TMEM178B: variants seen among roughly 807,000 people sequenced by gnomAD.
TMEM178B encodes transmembrane protein 178B.
In TMEM178B, 5 loss-of-function variants were observed where a neutral mutation model predicts 31.0. That is an observed-to-expected ratio of 0.16 (90% confidence interval 0.08 to 0.34). TMEM178B has a LOEUF of 0.34. Among genes scored for constraint, TMEM178B ranks in the 10% least tolerant of loss-of-function variants. The pLI is 1.00. For synonymous variants in TMEM178B, 164 were observed against 164.0 expected (o/e 1.00, Z 0.00); for missense variants, 275 against 400.3 (o/e 0.69, Z 2.67).
At chr7:141,156,903 G>A (rs1439116102) in intron 1 of TMEM178B, among the ~76,000 whole-genome samples, 1 of 152,148 alleles carries the variant, frequency 6.6e-6, no homozygotes, top group African/African-American at 2.4e-5. Context: ...ATAAATGAGG[G>A]ATTTGGGGTA....
intron 1 of TMEM178B, among the ~76,000 whole-genome samples, chr7:141,145,808 G>C (rs1047889530): frequency 1.3e-5 from 2 of 152,192 alleles, no homozygotes; most frequent in Admixed American, 6.5e-5. Flanking sequence ...GAGCTGCTAC[G>C]TGCTGAGCTG....
the TMEM178B span, among the ~76,000 whole-genome samples, chr7:141,500,384 C>G: frequency 1.3e-5 from 2 of 152,146 alleles, no homozygotes; most frequent in African/African-American, 4.8e-5. Context: ...CTCAGGAAAA[C>G]TCGGAGGAAG....
intron 2 of TMEM178B, among the ~76,000 whole-genome samples, chr7:141,429,308 T>TACACACACAC (rs3039921): frequency 0.052 from 7,729 of 149,646 alleles, 308 homozygotes; most frequent in East Asian, 0.17. Flanking sequence ...GAAAATGTAA[T>TACACACACAC]ACACACACAC....
chr7:141,507,166 A>C, the TMEM178B span, among the ~76,000 whole-genome samples: 2 of 152,082 alleles, frequency 1.3e-5, no homozygotes, highest in South Asian at 2.1e-4. Context: ...TGCATCTACT[A>C]TTCTGGGGTC....
At chr7:141,161,296 G>A (rs1249830912) in intron 1 of TMEM178B, among the ~76,000 whole-genome samples, 1 of 152,160 alleles carries the variant, frequency 6.6e-6, no homozygotes, top group Non-Finnish European at 1.5e-5. Flanking sequence ...ACGAGGTGGT[G>A]AGTGGTCTGA....
intron 2 of TMEM178B, among the ~76,000 whole-genome samples, chr7:141,260,804 G>C (rs1211480393): frequency 6.6e-6 from 1 of 152,142 alleles, no homozygotes; most frequent in Non-Finnish European, 1.5e-5. Flanking sequence ...TCTTTTTAAA[G>C]ATAAAACCAT....
intron 2 of TMEM178B, among the ~76,000 whole-genome samples, chr7:141,276,844 C>T (rs541271580): frequency 6.6e-6 from 1 of 152,318 alleles, no homozygotes; most frequent in Admixed American, 6.5e-5. Context: ...ACCTGTACAG[C>T]ATGTGGCTGT....
At chr7:141,383,903 C>G (rs549018871) in intron 2 of TMEM178B, among the ~76,000 whole-genome samples, 36 of 152,166 alleles carry the variant, frequency 2.4e-4, no homozygotes, top group African/African-American at 6.3e-4. Flanking sequence ...TTTTAATGAT[C>G]GCCATTCTAA....
chr7:141,090,131 G>T (rs972153904), intron 1 of TMEM178B, among the ~76,000 whole-genome samples: 2 of 152,022 alleles, frequency 1.3e-5, no homozygotes, highest in African/African-American at 4.8e-5. Flanking sequence ...TGCCATTCTT[G>T]TTCCTATCAT....
At chr7:141,441,569 G>A (rs1035115251) in intron 3 of TMEM178B, among the ~76,000 whole-genome samples, 2 of 152,158 alleles carry the variant, frequency 1.3e-5, no homozygotes, top group Admixed American at 6.5e-5. Context: ...TGAGAAGGGT[G>A]GGGGGACAAC....
At chr7:141,323,743 G>C (rs1158715799) in intron 2 of TMEM178B, among the ~76,000 whole-genome samples, 2 of 152,066 alleles carry the variant, frequency 1.3e-5, no homozygotes, top group Admixed American at 1.3e-4. Flanking sequence ...CCCTTATAGA[G>C]TTTATATTCT....
At chr7:141,355,542 A>G (rs1313330047) in intron 2 of TMEM178B, among the ~76,000 whole-genome samples, 2 of 152,210 alleles carry the variant, frequency 1.3e-5, no homozygotes, top group Non-Finnish European at 2.9e-5. Flanking sequence ...AGGAAGGACT[A>G]GGTGGAGCCA....
chr7:141,282,392 C>T (rs769550666), intron 2 of TMEM178B, among the ~76,000 whole-genome samples: 11 of 152,230 alleles, frequency 7.2e-5, no homozygotes, highest in Admixed American at 2.6e-4. Context: ...GAAGAGAAGA[C>T]GCTAAGATAG....
At chr7:141,178,327 A>T (rs182916070) in intron 1 of TMEM178B, among the ~76,000 whole-genome samples, 106 of 152,338 alleles carry the variant, frequency 7.0e-4, no homozygotes, top group African/African-American at 2.4e-3. Context: ...GATTCTAGTG[A>T]AGGTGTTTCT....
chr7:141,086,723 G>A (rs1794794224), intron 1 of TMEM178B, among the ~76,000 whole-genome samples: 1 of 152,028 alleles, frequency 6.6e-6, no homozygotes, highest in Admixed American at 6.6e-5. Flanking sequence ...TTTTTGAGAT[G>A]GAGTCTTGCT....
At chr7:141,430,282 C>A (rs2116667881) in intron 2 of TMEM178B, 1 of 152,352 alleles carries the variant, frequency 6.6e-6, no homozygotes, top group East Asian at 1.9e-4. Flanking sequence ...TGTTACTCAG[C>A]ACCTTATGTG....
intron 3 of TMEM178B, among the ~76,000 whole-genome samples, chr7:141,449,125 G>T (rs190856152): frequency 6.6e-6 from 1 of 152,160 alleles, no homozygotes; most frequent in East Asian, 1.9e-4. Context: ...CTCCCTCTCC[G>T]TGGCTCTTCT....
chr7:141,232,130 G>A (rs929130486), intron 2 of TMEM178B, among the ~76,000 whole-genome samples: 26 of 152,204 alleles, frequency 1.7e-4, no homozygotes, highest in African/African-American at 5.8e-4. Flanking sequence ...TCCCTGCAAA[G>A]GACATGCTCT....
chr7:141,360,988 A>T (rs577579978), intron 2 of TMEM178B, among the ~76,000 whole-genome samples: 1 of 152,322 alleles, frequency 6.6e-6, no homozygotes, highest in East Asian at 1.9e-4. Context: ...ACTCAGCCAG[A>T]AGAGGCCTCC....
Sources: gnomAD v4.1 joint callset for allele counts (sites outside exome capture counted in the v4.1 genomes callset) on GRCh38, gnomAD v4.1.1 for gene constraint, MANE v1.5 for transcripts, NCBI Gene and HGNC (gene_info 2026-07-23, HGNC 2026-07-21) for gene names.